The following ATP8A2 variants were observed in gnomAD, a reference collection of about 807,000 sequenced individuals.
ATP8A2 encodes ATPase phospholipid transporting 8A2.
A neutral mutation model predicts 165.6 loss-of-function variants in ATP8A2; 100 were observed. The observed-to-expected ratio is 0.60, with a 90% confidence interval of 0.51 to 0.71. The LOEUF is 0.71. Ranked by LOEUF, ATP8A2 falls within the 30% of genes least tolerant of loss-of-function variation. ATP8A2 has a pLI of 0.00. For missense variants in ATP8A2, 1,227 were observed against 1,479.5 expected (o/e 0.83, Z 2.80); for synonymous variants, 543 against 548.8 (o/e 0.99, Z 0.15).
chr13:26,013,376 TAGAA>T (rs1319815273), intron 36 of ATP8A2, among the ~76,000 whole-genome samples: 3 of 152,092 alleles, frequency 2.0e-5, no homozygotes, highest in Non-Finnish European at 2.9e-5. Flanking sequence ...AAACGACTGG[TAGAA>T]AGAGATGAGT....
chr13:25,902,039 C>T (rs529778319), intron 33 of ATP8A2, among the ~76,000 whole-genome samples: 4 of 152,120 alleles, frequency 2.6e-5, no homozygotes, highest in African/African-American at 9.6e-5. Flanking sequence ...ATTAAGTAGC[C>T]TCATAGTTAT....
intron 27 of ATP8A2, among the ~76,000 whole-genome samples, chr13:25,807,736 A>G (rs1040190500): frequency 2.0e-5 from 3 of 152,118 alleles, no homozygotes; most frequent in Non-Finnish European, 2.9e-5. Flanking sequence ...TACAACAGCT[A>G]TTCCTACCTG....
chr13:25,732,227 G>A (rs1361801299), intron 25 of ATP8A2, among the ~76,000 whole-genome samples: 1 of 152,168 alleles, frequency 6.6e-6, no homozygotes, highest in African/African-American at 2.4e-5. Context: ...ATGCTTTCTG[G>A]GCTGTTATCT....
intron 30 of ATP8A2, among the ~76,000 whole-genome samples, chr13:25,858,009 CCTGG>C (rs1952222931): frequency 6.6e-6 from 1 of 152,136 alleles, no homozygotes; most frequent in South Asian, 2.1e-4. Context: ...CATAATAGTG[CCTGG>C]CATAAAATAG....
chr13:25,904,666 T>A (rs1221204995), intron 33 of ATP8A2, among the ~76,000 whole-genome samples: 6 of 152,192 alleles, frequency 3.9e-5, no homozygotes, highest in African/African-American at 1.4e-4. Flanking sequence ...ATGTCAGTGT[T>A]ATAGTTTTCC....
intron 1 of ATP8A2, among the ~76,000 whole-genome samples, chr13:25,464,460 A>AG (rs1160310487): frequency 6.6e-6 from 1 of 151,546 alleles, no homozygotes; most frequent in African/African-American, 2.4e-5. Flanking sequence ...AAAAAAAAAA[A>AG]AAAAAAATTC....
intron 33 of ATP8A2, among the ~76,000 whole-genome samples, chr13:25,903,792 T>C (rs1216682527): frequency 6.6e-6 from 1 of 152,178 alleles, no homozygotes; most frequent in East Asian, 1.9e-4. Flanking sequence ...ACTTTTCACC[T>C]CTGGACACAC....
intron 28 of ATP8A2, among the ~76,000 whole-genome samples, chr13:25,830,251 A>G (rs1951428459): frequency 6.6e-6 from 1 of 152,046 alleles, no homozygotes. Flanking sequence ...GGGCTCAAGC[A>G]GTCCTCCCTC....
At chr13:25,407,373 T>TA (rs2033835083) in intron 1 of ATP8A2, among the ~76,000 whole-genome samples, 1 of 152,182 alleles carries the variant, frequency 6.6e-6, no homozygotes, top group Non-Finnish European at 1.5e-5. Flanking sequence ...TAGTAAAAGT[T>TA]AAAACCCAGC....
At chr13:25,431,496 C>T (rs914462068) in intron 1 of ATP8A2, among the ~76,000 whole-genome samples, 3 of 142,806 alleles carry the variant, frequency 2.1e-5, no homozygotes, top group Middle Eastern at 3.6e-3. Context: ...ACTTTTACTT[C>T]GGCGGCGGGG....
At position 25,399,560 on chromosome 13, in the gene ATP8A2, G is replaced by A. The variant is rs759467529; in HGVS notation, c.76+27272G>A. The stretch of plus-strand genomic sequence containing the variant: ...ACTACAGGAGCCCGCCACCACGCCC[G>A]GCTAATTTTTTTTTTGTATTTTTAG... On this transcript the variant is annotated intron_variant, in intron 1 of 36. Transcript: ENST00000381655. Among the ~76,000 whole-genome samples the A allele has an allele frequency of 8.8e-3, 147 of 16,630 alleles. 12 individuals are homozygous for A. Among genetic ancestry groups the A allele is most frequent in the East Asian group, 0.04 (2 of 50 alleles). The allele number at this position is 16,630 out of a possible 152,430, so 10.9% of individuals were successfully genotyped here.
At chr13:25,795,611 C>T (rs915713241) in intron 27 of ATP8A2, among the ~76,000 whole-genome samples, 2 of 152,204 alleles carry the variant, frequency 1.3e-5, no homozygotes, top group African/African-American at 4.8e-5. Flanking sequence ...TTTTCCCCCT[C>T]TTTGGGTTAT....
At chr13:25,951,610 T>A (rs1476079445) in intron 33 of ATP8A2, among the ~76,000 whole-genome samples, 1 of 152,216 alleles carries the variant, frequency 6.6e-6, no homozygotes, top group African/African-American at 2.4e-5. Flanking sequence ...CTGTGCATTT[T>A]AGCATATTTA....
In ATP8A2 at chr13:25,543,095, G is replaced by A. The variant is rs541030169; in HGVS notation, c.780-196G>A. Reference sequence around the variant, plus strand: ...GCATTTTTTTTCTGTAGTGATGAATGTAAAATAAAGCTTTCTGTGGGTCCT... The same window carrying A: ...GCATTTTTTTTCTGTAGTGATGAATATAAAATAAAGCTTTCTGTGGGTCCT... On this transcript the variant is annotated intron_variant, in intron 9 of 36. Transcript: ENST00000381655. Among the ~76,000 whole-genome samples the A allele has an allele frequency of 3.3e-5, 5 of 152,238 alleles. No individual in the cohort carries two copies. The South Asian group carries it at 1.0e-3, about 32-fold the overall frequency.
In ATP8A2 at chr13:25,968,576, G is replaced by C; in HGVS notation, c.3274G>C (p.Ala1092Pro). Residue 1092 changes from alanine (A) to proline (P), a missense_variant and splice_region_variant, in exon 35 of 37, where the codon GCC (alanine) becomes CCC (proline). Transcript: ENST00000381655. Reference protein sequence around the residue: ...CLIEDVAWRAAKHTCKKTLLE... With the variant: ...CLIEDVAWRAPKHTCKKTLLE... Reference sequence around the variant, plus strand: ...TTTTGTCTTTTCCTCATAACACAGAGCCAAGCACACCTGCAAAAAGACATT... The same window carrying C: ...TTTTGTCTTTTCCTCATAACACAGACCCAAGCACACCTGCAAAAAGACATT... The C allele has an allele frequency of 1.9e-6, 3 of 1,613,222 alleles. No individual in the cohort carries two copies. Among genetic ancestry groups the C allele is most frequent in the Non-Finnish European group, 2.5e-6 (3 of 1,179,774 alleles).
chr13:26,015,667 G>A (rs986056162), intron 36 of ATP8A2, among the ~76,000 whole-genome samples: 1 of 152,026 alleles, frequency 6.6e-6, no homozygotes. Context: ...TAAGAAATCC[G>A]TCTTTCCTCC....
intron 2 of ATP8A2, among the ~76,000 whole-genome samples, chr13:25,511,825 T>TTGTTCAATCAGAAATCTAGAAGA (rs2037234307): frequency 6.6e-6 from 1 of 152,250 alleles, no homozygotes; most frequent in Admixed American, 6.5e-5. Context: ...TCTTTGTTCT[T>TTGTTCAATCAGAAATCTAGAAGA]AGAGTTCTAG....
At chr13:25,430,758 C>T (rs1441118246) in intron 1 of ATP8A2, among the ~76,000 whole-genome samples, 1 of 151,972 alleles carries the variant, frequency 6.6e-6, no homozygotes, top group Non-Finnish European at 1.5e-5. Flanking sequence ...CCACCATGCC[C>T]AGCAAATTTT....
At chr13:25,479,960 A>T (rs1234484650) in intron 2 of ATP8A2, among the ~76,000 whole-genome samples, 1 of 152,046 alleles carries the variant, frequency 6.6e-6, no homozygotes, top group Non-Finnish European at 1.5e-5. Flanking sequence ...TTTCTATTCC[A>T]CAAAACCACC....
Sources: allele counts gnomAD v4.1 joint callset (sites outside exome capture counted in the v4.1 genomes callset), GRCh38; gene constraint gnomAD v4.1.1; transcripts MANE v1.5; gene names NCBI Gene and HGNC (gene_info 2026-07-23, HGNC 2026-07-21).